Variants in TOX observed in about 807,000 individuals in gnomAD.
TOX encodes thymocyte selection-associated high mobility group box protein TOX.
Under a neutral mutation model 53.7 loss-of-function variants are expected in TOX, and 11 were observed. The ratio of observed to expected loss-of-function variants is 0.20; its 90% CI spans 0.13 to 0.34. TOX has a LOEUF of 0.34. Ranked by LOEUF, TOX falls within the 10% of genes least tolerant of loss-of-function variation. TOX has a pLI of 1.00. For synonymous variants in TOX, 225 were observed against 245.3 expected, an observed-to-expected ratio of 0.92 and a Z score of 0.77; for missense variants, 570 against 664.6, an observed-to-expected ratio of 0.86 and a Z score of 1.56.
At position 59,118,271 on chromosome 8, in the gene TOX, C is replaced by A. The variant is rs1272150772; in HGVS notation, c.102+615G>T. Reference sequence around the variant, plus strand: ...CAGGAACTGTTCCCCAAACCTTGACCCAGCTACCCCGCTGTGCTCTGGCCC... The same window carrying A: ...CAGGAACTGTTCCCCAAACCTTGACACAGCTACCCCGCTGTGCTCTGGCCC... On this transcript the variant is annotated intron_variant, in intron 1 of 8. Coordinates refer to ENST00000361421, the MANE Select transcript of TOX (RefSeq NM_014729.3). The surrounding 1 kb of genome is among the most constrained non-coding windows in gnomAD (Gnocchi z 4.1). Among the ~76,000 whole-genome samples, 1 of 152,236 alleles carries A rather than the reference C, an allele frequency of 6.6e-6. No homozygotes were observed. The highest frequency in any genetic ancestry group is 1.5e-5 in the Non-Finnish European group (1 of 68,038).
chr8:59,081,431 G>A (rs899718760), intron 1 of TOX, among the ~76,000 whole-genome samples: 1 of 152,120 alleles, frequency 6.6e-6, no homozygotes, highest in Non-Finnish European at 1.5e-5. Context: ...CAAAAATGTA[G>A]GTATGGCTTC....
intron 1 of TOX, among the ~76,000 whole-genome samples, chr8:58,999,965 C>A (rs1329554084): frequency 3.9e-5 from 6 of 152,096 alleles, no homozygotes; most frequent in Non-Finnish European, 7.4e-5. Context: ...TTATTTTTCA[C>A]TGGAATTCTG....
At chr8:58,864,471 A>C (rs956110785) in intron 3 of TOX, among the ~76,000 whole-genome samples, 1 of 152,206 alleles carries the variant, frequency 6.6e-6, no homozygotes, top group African/African-American at 2.4e-5. Context: ...CCAGTCCCCA[A>C]ATATGGGCCT....
At chr8:58,870,292 C>T (rs1811175900) in intron 3 of TOX, among the ~76,000 whole-genome samples, 1 of 151,922 alleles carries the variant, frequency 6.6e-6, no homozygotes, top group African/African-American at 2.4e-5. Context: ...TTTAAAAATA[C>T]CATTTACAAC....
At chr8:59,051,257 G>C (rs760856545) in intron 1 of TOX, among the ~76,000 whole-genome samples, 2 of 152,038 alleles carry the variant, frequency 1.3e-5, no homozygotes, top group Non-Finnish European at 2.9e-5. Context: ...ATAAGGATGT[G>C]GTTTTCTTTA....
At chr8:58,892,298 G>C (rs995058126) in intron 3 of TOX, among the ~76,000 whole-genome samples, 2 of 152,152 alleles carry the variant, frequency 1.3e-5, no homozygotes, top group African/African-American at 4.8e-5. Flanking sequence ...GATGTGAGGA[G>C]AGAAAGAAAG....
At chr8:58,918,642 C>T (rs1812020232) in intron 3 of TOX, among the ~76,000 whole-genome samples, 1 of 45,040 alleles carries the variant, frequency 2.2e-5, no homozygotes, top group Non-Finnish European at 4.4e-5. Context: ...TGAAAACTGG[C>T]ACAAGACAGG....
At chr8:59,049,969 T>C (rs941212556) in intron 1 of TOX, among the ~76,000 whole-genome samples, 2 of 152,154 alleles carry the variant, frequency 1.3e-5, no homozygotes, top group Non-Finnish European at 2.9e-5. Flanking sequence ...TTGTATTATA[T>C]AGTCACACTA....
At chr8:59,093,893 T>C (rs1215826451) in intron 1 of TOX, among the ~76,000 whole-genome samples, 3 of 152,180 alleles carry the variant, frequency 2.0e-5, no homozygotes, top group Non-Finnish European at 4.4e-5. Context: ...GCAGAAAATG[T>C]CACATCATTT....
intron 1 of TOX, among the ~76,000 whole-genome samples, chr8:59,054,878 AAAAG>A (rs1324446223): frequency 3.3e-5 from 5 of 151,248 alleles, no homozygotes; most frequent in Admixed American, 6.6e-5. Flanking sequence ...AAAGCAAAAA[AAAAG>A]AAAGAAAAAG....
At chr8:58,998,449 A>T (rs1813603458) in intron 1 of TOX, among the ~76,000 whole-genome samples, 1 of 142,002 alleles carries the variant, frequency 7.0e-6, no homozygotes, top group South Asian at 2.2e-4. Context: ...AGATCATGCC[A>T]CTGCACTCCA....
chr8:58,972,323 G>A (rs1450296404), intron 1 of TOX, among the ~76,000 whole-genome samples: 1 of 152,104 alleles, frequency 6.6e-6, no homozygotes, highest in African/African-American at 2.4e-5. Flanking sequence ...AACTGCAGGA[G>A]GAGTTTTCTG....
At chr8:59,069,397 A>G (rs1017794658) in intron 1 of TOX, among the ~76,000 whole-genome samples, 27 of 152,312 alleles carry the variant, frequency 1.8e-4, no homozygotes, top group Middle Eastern at 3.4e-3. Context: ...GTTATGTTTG[A>G]TCTTGATTTA....
At chr8:58,962,928 A>G (rs2129178742) in intron 1 of TOX, among the ~76,000 whole-genome samples, 1 of 152,330 alleles carries the variant, frequency 6.6e-6, no homozygotes, top group South Asian at 2.1e-4. Flanking sequence ...GGGTGTGTCC[A>G]TGAGGGTGTT....
chr8:58,926,198 T>C (rs1478463364), intron 3 of TOX, among the ~76,000 whole-genome samples: 3 of 152,090 alleles, frequency 2.0e-5, no homozygotes, highest in African/African-American at 7.2e-5. Context: ...CATGAGGGGA[T>C]CTCCACAACC....
chr8:59,046,043 G>A (rs559983447), intron 1 of TOX, among the ~76,000 whole-genome samples: 48 of 152,182 alleles, frequency 3.2e-4, no homozygotes, highest in Admixed American at 1.6e-3. Context: ...GGTGACTGCC[G>A]TCCCCTGGGT....
At chr8:58,990,077 T>G (rs1813412492) in intron 1 of TOX, among the ~76,000 whole-genome samples, 2 of 152,212 alleles carry the variant, frequency 1.3e-5, no homozygotes, top group Non-Finnish European at 2.9e-5. Context: ...ATTTACTATA[T>G]CCCACTGTCC....
At chr8:59,021,579 G>A (rs1171072925) in intron 1 of TOX, among the ~76,000 whole-genome samples, 1 of 148,870 alleles carries the variant, frequency 6.7e-6, no homozygotes, top group African/African-American at 2.5e-5. Flanking sequence ...AACTGAGCAG[G>A]TAATCCTCCA....
intron 3 of TOX, among the ~76,000 whole-genome samples, chr8:58,858,476 G>A (rs912146327): frequency 3.3e-5 from 5 of 152,240 alleles, no homozygotes; most frequent in African/African-American, 1.2e-4. Context: ...CTGTTAGAGT[G>A]AATAGCAGTT....
Sources: allele counts gnomAD v4.1 joint callset (sites outside exome capture counted in the v4.1 genomes callset), GRCh38; gene constraint gnomAD v4.1.1; non-coding constraint Gnocchi (gnomAD v3.1); transcripts MANE v1.5; gene names NCBI Gene and HGNC (gene_info 2026-07-23, HGNC 2026-07-21).